NIPAL2: variants seen among roughly 807,000 people sequenced by gnomAD.
NIPAL2 encodes the protein NIPA-like protein 2.
A neutral mutation model predicts 48.9 loss-of-function variants in NIPAL2; 43 were observed. That is an observed-to-expected ratio of 0.88 (90% CI 0.69 to 1.13). NIPAL2 has a LOEUF of 1.13. Ranked by LOEUF, NIPAL2 falls within the 50% of genes most tolerant of loss-of-function variation. NIPAL2 has a pLI of 0.00. For missense variants in NIPAL2, 446 were observed against 461.4 expected (o/e 0.97, Z 0.31); for synonymous variants, 167 against 174.6 (o/e 0.96, Z 0.34).
chr8:98,294,063 C>G lies in NIPAL2; in HGVS notation c.75G>C (p.Thr25=), dbSNP rs1164665015. 2 of 1,500,818 alleles carry G rather than the reference C, an allele frequency of 1.3e-6. No homozygotes were observed. The highest frequency in any genetic ancestry group is 1.3e-5 in the South Asian group (1 of 79,310). 93.0% of individuals were successfully genotyped at this position (1,500,818 alleles called of 1,614,324 possible). Residue 25 remains threonine, a synonymous_variant, in exon 1 of 11, where the codon ACG becomes ACC. Transcript: ENST00000430223. ...CGTTGCCGGCGCCTGGTGCCCCGTACGTGAAATTCAGTGACAGCTCGTCCA... is the reference window on the plus strand; with the variant it reads ...CGTTGCCGGCGCCTGGTGCCCCGTAGGTGAAATTCAGTGACAGCTCGTCCA... ...AALDELSLNF[T]YGAPGAGNGS... is the part of the protein sequence containing the mutation.
chr8:98,198,083 T>G (rs926521390), intron 8 of NIPAL2, among the ~76,000 whole-genome samples: 1 of 152,190 alleles, frequency 6.6e-6, no homozygotes, highest in African/African-American at 2.4e-5. Context: ...TAATAAGACT[T>G]GAAAGTCAAA....
intron 1 of NIPAL2, 144 bp from the exon 2 acceptor site, chr8:98,254,231 A>AG: frequency 1.8e-6 from 1 of 554,824 alleles, no homozygotes. Context: ...GGATATTAAT[A>AG]GGATTTAATT....
intron 4 of NIPAL2, among the ~76,000 whole-genome samples, chr8:98,234,713 AT>A (rs33980111): frequency 0.1 from 14,210 of 138,006 alleles, 782 homozygotes; most frequent in East Asian, 0.2. Context: ...ACACCTGTCT[AT>A]TTTTTTTTTT....
At chr8:98,208,225 T>C (rs1294712650) in intron 6 of NIPAL2, among the ~76,000 whole-genome samples, 1 of 152,242 alleles carries the variant, frequency 6.6e-6, no homozygotes, top group African/African-American at 2.4e-5. Context: ...ACACCATTTT[T>C]TCTAAACATG....
At chr8:98,202,566 C>G (rs902107409) in intron 8 of NIPAL2, among the ~76,000 whole-genome samples, 2 of 152,164 alleles carry the variant, frequency 1.3e-5, no homozygotes, top group Non-Finnish European at 2.9e-5. Context: ...ACCCCTCTCC[C>G]TCGCCCCATC....
At chr8:98,220,930 ACACCTTCATATTTCTCTAT>A (rs564816568) in intron 5 of NIPAL2, among the ~76,000 whole-genome samples, 508 of 150,196 alleles carry the variant, frequency 3.4e-3, no homozygotes, top group Non-Finnish European at 5.6e-3. Context: ...AACCCAGTTA[ACACCTTCATATTTCTCTAT>A]CAGTTCATTT....
Position 98,192,622 on chromosome 8 carries a change from T to TA in NIPAL2, c.*355_*356insT. On this transcript the variant is annotated 3_prime_UTR_variant, in exon 11 of 11. Coordinates refer to ENST00000430223, the MANE Select transcript of NIPAL2 (RefSeq NM_001321635.2). ...AAGTGACTTTTTAAAGTGAAGCAAC[T>TA]GACACTACCCGTGGGAGAAGCCACC... 1 of 195,762 alleles carries TA rather than the reference T, an allele frequency of 5.1e-6. No individual in the cohort carries two copies. Among genetic ancestry groups the TA allele is most frequent in the Non-Finnish European group, 1.0e-5 (1 of 95,268 alleles). The allele number at this position is 195,762 out of a possible 1,614,324, so 12.1% of individuals were successfully genotyped here. A position where few individuals can be genotyped will look rare whatever the true frequency, so the allele number is the denominator to read the frequency against.
intron 3 of NIPAL2, among the ~76,000 whole-genome samples, chr8:98,244,267 G>A (rs59714867): frequency 5.6e-5 from 8 of 144,102 alleles, no homozygotes; most frequent in Admixed American, 2.1e-4. Flanking sequence ...TGATGAAGAC[G>A]GTGGGCGTGG....
intron 1 of NIPAL2, among the ~76,000 whole-genome samples, chr8:98,289,193 A>AT (rs1367716294): frequency 1.3e-5 from 2 of 152,038 alleles, no homozygotes; most frequent in African/African-American, 4.8e-5. Flanking sequence ...CCAACTATCC[A>AT]TTTTTCCCCT....
intron 3 of NIPAL2, among the ~76,000 whole-genome samples, chr8:98,245,497 A>T (rs1343126387): frequency 5.3e-5 from 8 of 152,222 alleles, no homozygotes; most frequent in Admixed American, 5.2e-4. Context: ...ACTGAAGATA[A>T]TGAAGGAACT....
Position 98,191,121 on chromosome 8 carries a change from G to A in NIPAL2, c.*1857C>T, listed in dbSNP as rs1803687630. The A allele has an allele frequency of 6.6e-6, 1 of 152,244 alleles. No individual in the cohort carries two copies. The highest frequency in any genetic ancestry group is 6.5e-5 in the Admixed American group (1 of 15,282). The allele number at this position is 152,244 out of a possible 1,614,324, so 9.4% of individuals were successfully genotyped here. ...TGTTGGCGGCTGCTAAAGTACTGGT[G>A]TTATGCTTGTGCCTGTGTGAAATTC... On this transcript the variant is annotated 3_prime_UTR_variant, in exon 11 of 11. Coordinates refer to ENST00000430223, the MANE Select transcript of NIPAL2 (RefSeq NM_001321635.2).
At chr8:98,215,456 T>C (rs563577947) in intron 5 of NIPAL2, among the ~76,000 whole-genome samples, 4 of 152,338 alleles carry the variant, frequency 2.6e-5, no homozygotes, top group Non-Finnish European at 5.9e-5. Flanking sequence ...GCATTATTGA[T>C]TGCAATCTCA....
intron 3 of NIPAL2, among the ~76,000 whole-genome samples, chr8:98,247,152 A>C (rs568490573): frequency 6.4e-4 from 97 of 152,308 alleles, no homozygotes; most frequent in African/African-American, 2.1e-3. Flanking sequence ...TCTTGCAATG[A>C]ACTGTTTAAC....
chr8:98,236,163 T>A lies in NIPAL2; in HGVS notation c.428A>T (p.Asp143Val). Reference sequence around the variant, plus strand: ...ATTAAATAATTACTTACCGAGTAAGTCTGAGGCTCTCAAATTGTCTTTCAG... The same window carrying A: ...ATTAAATAATTACTTACCGAGTAAGACTGAGGCTCTCAAATTGTCTTTCAG... ...TFLKDNLRAS[D>V]LLGTTLAFAG... The change falls in exon 4 of 11, where the codon GAC becomes GTC. Residue 143 changes from aspartate to valine, a missense_variant. Transcript: ENST00000430223. The A allele has an allele frequency of 6.3e-7, 1 of 1,596,068 alleles. No homozygotes were observed. The highest frequency in any genetic ancestry group is 8.6e-7 in the Non-Finnish European group (1 of 1,166,998).
intron 3 of NIPAL2, among the ~76,000 whole-genome samples, chr8:98,241,739 T>C (rs555965256): frequency 6.6e-6 from 1 of 152,364 alleles, no homozygotes; most frequent in East Asian, 1.9e-4. Flanking sequence ...TAGAAAATTA[T>C]ATTTATACAA....
chr8:98,225,587 T>A (rs1356424028), intron 4 of NIPAL2, among the ~76,000 whole-genome samples: 1 of 152,226 alleles, frequency 6.6e-6, no homozygotes, highest in Non-Finnish European at 1.5e-5. Context: ...CTCTTTTGTA[T>A]GTTATTTGTT....
At chr8:98,235,218 A>G (rs1359156797) in intron 4 of NIPAL2, among the ~76,000 whole-genome samples, 1 of 152,164 alleles carries the variant, frequency 6.6e-6, no homozygotes, top group Non-Finnish European at 1.5e-5. Flanking sequence ...TGCCTAAAGT[A>G]TTTGTATTCA....
In NIPAL2 at chr8:98,192,132, T is replaced by C. The variant is rs1052249921; in HGVS notation, c.*846A>G. 14 of 152,220 alleles carry C rather than the reference T, an allele frequency of 9.2e-5. No individual in the cohort carries two copies. The highest frequency in any genetic ancestry group is 3.4e-4 in the African/African-American group (14 of 41,458). 9.4% of individuals were successfully genotyped at this position (152,220 alleles called of 1,614,324 possible). On this transcript the variant is annotated 3_prime_UTR_variant, in exon 11 of 11. Coordinates refer to ENST00000430223, the MANE Select transcript of NIPAL2 (RefSeq NM_001321635.2). ...AATTTTTCTTCAGTTTCAAGTATGA[T>C]AGAATCATACAGCTGAAGAAAACAT...
At chr8:98,232,589 T>C (rs975468041) in intron 4 of NIPAL2, among the ~76,000 whole-genome samples, 3 of 152,242 alleles carry the variant, frequency 2.0e-5, no homozygotes, top group African/African-American at 7.2e-5. Context: ...TATGTAATAT[T>C]ATCTTTATTT....
Sources: allele counts gnomAD v4.1 joint callset (sites outside exome capture counted in the v4.1 genomes callset), GRCh38; gene constraint gnomAD v4.1.1; transcripts MANE v1.5; gene names NCBI Gene and HGNC (gene_info 2026-07-23, HGNC 2026-07-21).